The following LRRC40 variants were observed in gnomAD, a reference collection of about 807,000 sequenced individuals.
The protein encoded by LRRC40 is leucine rich repeat containing 40.
In LRRC40, 76 loss-of-function variants were observed where a neutral mutation model predicts 72.8. The observed-to-expected ratio is 1.04, with a 90% CI of 0.87 to 1.26. The LOEUF is 1.26. Ranked by LOEUF, LRRC40 falls within the 50% of genes most tolerant of loss-of-function variation. LRRC40 has a pLI of 0.00. For missense variants in LRRC40, 684 were observed against 698.9 expected (o/e 0.98, Z 0.24); for synonymous variants, 243 against 254.2 (o/e 0.96, Z 0.42).
chr1:70,193,448 T>C (rs1050993711), intron 1 of LRRC40, among the ~76,000 whole-genome samples: 1 of 151,724 alleles, frequency 6.6e-6, no homozygotes, highest in Admixed American at 6.6e-5. Context: ...CTTGCATCTA[T>C]TAAAGAAATT....
At chr1:70,167,061 T>C (rs952357198) in intron 9 of LRRC40, among the ~76,000 whole-genome samples, 4 of 152,034 alleles carry the variant, frequency 2.6e-5, no homozygotes, top group East Asian at 3.9e-4. Flanking sequence ...ATTTGGCCAA[T>C]GGGCTTTCAA....
chr1:70,192,396 A>C (rs1304857466), intron 1 of LRRC40, among the ~76,000 whole-genome samples: 4 of 152,126 alleles, frequency 2.6e-5, no homozygotes, highest in Non-Finnish European at 4.4e-5. Flanking sequence ...CAGTTTAGAC[A>C]GCAGGATGGC....
intron 1 of LRRC40, among the ~76,000 whole-genome samples, chr1:70,194,394 C>A (rs1032243856): frequency 6.6e-6 from 1 of 152,020 alleles, no homozygotes; most frequent in Non-Finnish European, 1.5e-5. Flanking sequence ...TGTACAAGAT[C>A]TGTATATGAA....
intron 1 of LRRC40, among the ~76,000 whole-genome samples, chr1:70,199,929 C>T (rs1443082554): frequency 6.6e-6 from 1 of 152,088 alleles, no homozygotes; most frequent in East Asian, 1.9e-4. Context: ...ACCCTCAAGA[C>T]TTACTCTACC....
intron 9 of LRRC40, among the ~76,000 whole-genome samples, chr1:70,169,308 T>C (rs2100276548): frequency 6.6e-6 from 1 of 152,348 alleles, no homozygotes; most frequent in East Asian, 1.9e-4. Flanking sequence ...CCTTGCAACA[T>C]ATCTTTGTAC....
At chr1:70,166,541 T>C (rs1251977427) in intron 9 of LRRC40, among the ~76,000 whole-genome samples, 2 of 151,914 alleles carry the variant, frequency 1.3e-5, no homozygotes, top group Non-Finnish European at 2.9e-5. Context: ...CCTGTAATCC[T>C]AGCTACTTGG....
At position 70,152,571 on chromosome 1, in the gene LRRC40, A is replaced by T. The variant is rs1198748996; in HGVS notation, c.1329-28T>A. On this transcript the variant is annotated intron_variant, in intron 11 of 14. Transcript: ENST00000370952. ...GAAACAAAAATAATTTTAAAATGTT[A>T]GCACTTGAATTCACTGCCAGAACTT... 4 of 1,236,674 alleles carry T rather than the reference A, an allele frequency of 3.2e-6. No homozygotes were observed. The Admixed American group carries it at 7.0e-5, about 22-fold the overall frequency. 76.6% of individuals were successfully genotyped at this position (1,236,674 alleles called of 1,614,324 possible).
chr1:70,200,852 C>T (rs996745551), intron 1 of LRRC40, among the ~76,000 whole-genome samples: 5 of 152,080 alleles, frequency 3.3e-5, no homozygotes, highest in African/African-American at 1.2e-4. Context: ...AGGGAGAAAG[C>T]GCAATCTGAA....
intron 9 of LRRC40, among the ~76,000 whole-genome samples, chr1:70,172,961 G>C (rs1454216196): frequency 6.6e-6 from 1 of 151,778 alleles, no homozygotes; most frequent in East Asian, 1.9e-4. Context: ...TATATGACAT[G>C]TTTAGTGAAT....
At chr1:70,169,781 T>C (rs1010121379) in intron 9 of LRRC40, among the ~76,000 whole-genome samples, 2 of 151,288 alleles carry the variant, frequency 1.3e-5, no homozygotes, top group Admixed American at 6.6e-5. Context: ...TGAAGAGTAA[T>C]AAAAAAAACC....
chr1:70,179,282 G>A (rs531553985), intron 5 of LRRC40, among the ~76,000 whole-genome samples: 1 of 152,206 alleles, frequency 6.6e-6, no homozygotes, highest in South Asian at 2.1e-4. Context: ...TGGAGTTCAA[G>A]ACCAGCCTGG....
At chr1:70,190,166 G>A (rs1668462333) in intron 1 of LRRC40, among the ~76,000 whole-genome samples, 1 of 152,120 alleles carries the variant, frequency 6.6e-6, no homozygotes, top group South Asian at 2.1e-4. Context: ...ACTACATTTA[G>A]GGATGATGTA....
chr1:70,205,119 C>T (rs1668898179), intron 1 of LRRC40, among the ~76,000 whole-genome samples: 1 of 152,196 alleles, frequency 6.6e-6, no homozygotes, highest in Non-Finnish European at 1.5e-5. Flanking sequence ...TTGCTTATCC[C>T]ACAGAATGTG....
chr1:70,181,918 A>G (rs1313977576), intron 4 of LRRC40, among the ~76,000 whole-genome samples: 2 of 152,046 alleles, frequency 1.3e-5, no homozygotes, highest in African/African-American at 2.4e-5. Context: ...GGTAATTTTT[A>G]TAACACTCAA....
At position 70,205,443 on chromosome 1, in the gene LRRC40, T is replaced by A. The variant is rs1186731353; in HGVS notation, c.98A>T (p.Lys33Met). Residue 33 changes from lysine (K) to methionine (M), a missense_variant, in exon 1 of 15, where the codon AAG becomes ATG. Coordinates refer to ENST00000370952, the MANE Select transcript of LRRC40 (RefSeq NM_017768.5). ...CGTSVPQGLL[K>M]AARKSGQLNL... The stretch of plus-strand genomic sequence containing the variant: ...TAACTGGCCGCTCTTCCTCGCTGCC[T>A]TCAACAGCCCTTGGGGTACCGAGGT... The A allele has an allele frequency of 1.2e-6, 2 of 1,606,800 alleles. No individual in the cohort carries two copies. The highest frequency in any genetic ancestry group is 3.3e-5 in the Admixed American group (2 of 59,868).
chr1:70,167,228 G>T (rs1177676446), intron 9 of LRRC40, among the ~76,000 whole-genome samples: 1 of 117,292 alleles, frequency 8.5e-6, no homozygotes, highest in Non-Finnish European at 1.7e-5. Flanking sequence ...GTTAAAAAGT[G>T]TTAAAAAAAA....
At chr1:70,195,028 C>T (rs536627159) in intron 1 of LRRC40, among the ~76,000 whole-genome samples, 1 of 152,040 alleles carries the variant, frequency 6.6e-6, no homozygotes, top group South Asian at 2.1e-4. Context: ...AAAAATGAAC[C>T]TCAACCTTTA....
intron 7 of LRRC40, among the ~76,000 whole-genome samples, chr1:70,173,971 C>T (rs1333387247): frequency 6.6e-6 from 1 of 151,688 alleles, no homozygotes; most frequent in Non-Finnish European, 1.5e-5. Context: ...ATAACATTTG[C>T]TAAAAAAGTA....
intron 9 of LRRC40, among the ~76,000 whole-genome samples, chr1:70,164,405 A>G (rs1667835013): frequency 6.6e-6 from 1 of 152,008 alleles, no homozygotes; most frequent in African/African-American, 2.4e-5. Context: ...GAAAAAAGAA[A>G]AAAAGAGTGC....
Sources: gnomAD v4.1 joint callset for allele counts (sites outside exome capture counted in the v4.1 genomes callset) on GRCh38, gnomAD v4.1.1 for gene constraint, MANE v1.5 for transcripts, NCBI Gene and HGNC (gene_info 2026-07-23, HGNC 2026-07-21) for gene names.